ETV1: variants seen among roughly 807,000 people sequenced by gnomAD.
ETV1 encodes ETS translocation variant 1.
Under a neutral mutation model 62.3 loss-of-function variants are expected in ETV1, and 27 were observed. The ratio of observed to expected loss-of-function variants is 0.43; its 90% confidence interval spans 0.32 to 0.60. The LOEUF (loss-of-function observed/expected upper bound fraction) is 0.60, where lower values mean the gene tolerates loss of function less well. ETV1 is among the 20% of genes least tolerant of loss of function. The pLI, the probability that ETV1 is intolerant of heterozygous loss-of-function variation, is 0.06. For missense variants in ETV1, 605 were observed against 605.8 expected, an observed-to-expected ratio of 1.00 and a Z score of 0.01; for synonymous variants, 222 against 199.6, an observed-to-expected ratio of 1.11 and a Z score of -0.94.
At chr7:13,963,938 G>T (rs777587893) in intron 6 of ETV1, among the ~76,000 whole-genome samples, 1 of 152,110 alleles carries the variant, frequency 6.6e-6, no homozygotes, top group Non-Finnish European at 1.5e-5. Flanking sequence ...AACTATGAAT[G>T]AAAATAGAGC....
At chr7:13,939,753 T>C (rs971615710) in intron 6 of ETV1, among the ~76,000 whole-genome samples, 3 of 152,190 alleles carry the variant, frequency 2.0e-5, no homozygotes, top group Non-Finnish European at 4.4e-5. Flanking sequence ...GTGACTGATA[T>C]TACTTTGGGC....
At chr7:13,980,735 C>G (rs1781897176) in intron 5 of ETV1, among the ~76,000 whole-genome samples, 1 of 152,038 alleles carries the variant, frequency 6.6e-6, no homozygotes, top group Non-Finnish European at 1.5e-5. Context: ...AGGGCAGTAT[C>G]TGCACTCTCA....
intron 6 of ETV1, among the ~76,000 whole-genome samples, chr7:13,972,026 C>T (rs1780955300): frequency 1.3e-5 from 2 of 152,044 alleles, no homozygotes; most frequent in African/African-American, 2.4e-5. Context: ...GCAAGAGACA[C>T]TTGAATCCGG....
Position 13,894,181 on chromosome 7 carries a change from T to C in ETV1, c.*1685A>G, listed in dbSNP as rs1433799157. On this transcript the variant is annotated 3_prime_UTR_variant, in exon 14 of 14. Coordinates refer to ENST00000430479, the MANE Select transcript of ETV1 (RefSeq NM_004956.5). ...TTTTTTTTTTTTTTGCTTTTTGCTATAGACTCTTTAAAAAAGTTGTTCTTC... is the reference window on the plus strand; with the variant it reads ...TTTTTTTTTTTTTTGCTTTTTGCTACAGACTCTTTAAAAAAGTTGTTCTTC... 7.3e-5 allele frequency: 17 copies of C among 232,088 alleles called. No homozygotes were observed. In the East Asian group the frequency reaches 9.7e-4, roughly 13 times the overall value. The allele number at this position is 232,088 out of a possible 1,614,324, so 14.4% of individuals were successfully genotyped here.
chr7:13,987,820 G>C (rs1356729868), intron 4 of ETV1, among the ~76,000 whole-genome samples: 1 of 152,120 alleles, frequency 6.6e-6, no homozygotes, highest in Non-Finnish European at 1.5e-5. Context: ...CATGGACAAA[G>C]GTATTTAAAC....
chr7:13,982,548 C>G (rs1782097726), intron 5 of ETV1, among the ~76,000 whole-genome samples: 1 of 151,962 alleles, frequency 6.6e-6, no homozygotes, highest in Non-Finnish European at 1.5e-5. Flanking sequence ...AAGTCAAACT[C>G]AAATGGGAAG....
chr7:13,909,352 C>A (rs923195561), intron 11 of ETV1, among the ~76,000 whole-genome samples: 4 of 152,088 alleles, frequency 2.6e-5, no homozygotes, highest in Non-Finnish European at 5.9e-5. Flanking sequence ...CTCAGCAGGG[C>A]AATGGAAAGC....
At chr7:13,919,437 T>G (rs1354851854) in intron 9 of ETV1, among the ~76,000 whole-genome samples, 1 of 150,800 alleles carries the variant, frequency 6.6e-6, no homozygotes, top group Non-Finnish European at 1.5e-5. Flanking sequence ...AGAGAATAGT[T>G]AAATGAATCA....
chr7:13,991,349 A>C (rs1457817506), upstream of ETV1: 1 of 152,314 alleles, frequency 6.6e-6, no homozygotes, highest in Non-Finnish European at 1.5e-5. Context: ...CCCGAGCCTG[A>C]CGGGTATCCA....
At chr7:13,951,964 C>T (rs1193127734) in intron 6 of ETV1, among the ~76,000 whole-genome samples, 1 of 152,172 alleles carries the variant, frequency 6.6e-6, no homozygotes, top group Admixed American at 6.5e-5. Context: ...AACAGAGCTT[C>T]AAGCCATCAG....
intron 6 of ETV1, among the ~76,000 whole-genome samples, chr7:13,964,172 G>C (rs1223681653): frequency 6.6e-6 from 1 of 152,122 alleles, no homozygotes; most frequent in African/African-American, 2.4e-5. Flanking sequence ...TGTTCATGAG[G>C]ATGGAGAAAA....
intron 6 of ETV1, among the ~76,000 whole-genome samples, chr7:13,944,004 A>T (rs1787865236): frequency 6.6e-6 from 1 of 152,160 alleles, no homozygotes; most frequent in African/African-American, 2.4e-5. Flanking sequence ...GATGGGTAGG[A>T]AATGGAGGGT....
intron 9 of ETV1, 59 bp from the exon 10 acceptor site, chr7:13,911,366 A>G: frequency 8.6e-7 from 1 of 1,165,428 alleles, no homozygotes; most frequent in Non-Finnish European, 1.3e-6. Flanking sequence ...TGCGGTTATC[A>G]ATGGACAGGG....
At chr7:13,977,650 G>T (rs550119361) in intron 5 of ETV1, among the ~76,000 whole-genome samples, 170 bp from the exon 6 acceptor site, 6 of 152,156 alleles carry the variant, frequency 3.9e-5, no homozygotes, top group Non-Finnish European at 7.4e-5. Flanking sequence ...CTTAGGAGGA[G>T]AAATGGAAGG....
intron 7 of ETV1, among the ~76,000 whole-genome samples, chr7:13,938,098 A>C (rs1787023553): frequency 6.6e-6 from 1 of 152,136 alleles, no homozygotes; most frequent in South Asian, 2.1e-4. Flanking sequence ...GGCATGCGCC[A>C]CCATGCCCAG....
intron 6 of ETV1, among the ~76,000 whole-genome samples, chr7:13,946,477 A>T (rs777891720): frequency 7.2e-5 from 11 of 152,188 alleles, no homozygotes; most frequent in Non-Finnish European, 1.5e-4. Flanking sequence ...CTTAATTCAG[A>T]AGTTTACTTG....
intron 6 of ETV1, among the ~76,000 whole-genome samples, chr7:13,970,791 TG>T (rs1219826205): frequency 2.0e-5 from 3 of 152,062 alleles, no homozygotes; most frequent in Non-Finnish European, 4.4e-5. Flanking sequence ...AAACCACAAA[TG>T]GAATTTTTCT....
intron 6 of ETV1, among the ~76,000 whole-genome samples, chr7:13,963,911 C>CTAA (rs1790472869): frequency 1.3e-5 from 2 of 152,094 alleles, no homozygotes; most frequent in African/African-American, 4.8e-5. Context: ...AATGCAACAG[C>CTAA]CTTTAATCTG....
chr7:13,915,693 T>C (rs560796812), intron 9 of ETV1, among the ~76,000 whole-genome samples: 1 of 152,224 alleles, frequency 6.6e-6, no homozygotes, highest in African/African-American at 2.4e-5. Flanking sequence ...CATGTCAAAT[T>C]GAGTGCACTC....
Sources: gnomAD v4.1 joint callset for allele counts (sites outside exome capture counted in the v4.1 genomes callset) on GRCh38, gnomAD v4.1.1 for gene constraint, MANE v1.5 for transcripts, NCBI Gene and HGNC (gene_info 2026-07-23, HGNC 2026-07-21) for gene names.